Variants in BIVM observed in about 807,000 individuals in gnomAD.
BIVM encodes basic immunoglobulin-like variable motif-containing protein.
BIVM carries 31 observed loss-of-function variants against 61.4 expected under a neutral mutation model. The observed-to-expected ratio is 0.51, with a 90% CI of 0.38 to 0.68. The LOEUF is 0.68. BIVM is among the 30% of genes least tolerant of loss of function. BIVM has a pLI of 0.00. For synonymous variants in BIVM, 189 were observed against 210.7 expected, an observed-to-expected ratio of 0.90 and a Z score of 0.89; for missense variants, 526 against 596.0, an observed-to-expected ratio of 0.88 and a Z score of 1.22.
At chr13:102,808,733 A>G (rs989275968) in intron 3 of BIVM, among the ~76,000 whole-genome samples, 1 of 152,092 alleles carries the variant, frequency 6.6e-6, no homozygotes, top group African/African-American at 2.4e-5. Context: ...TTTCAGAGAG[A>G]TATTAAAATC....
intron 7 of BIVM, among the ~76,000 whole-genome samples, chr13:102,826,187 G>C (rs147744935): frequency 9.1e-4 from 138 of 152,200 alleles, no homozygotes; most frequent in African/African-American, 3.1e-3. Context: ...AAAGGAAAAT[G>C]TTTTCTCTTT....
chr13:102,827,060 G>C (rs1880721530), intron 7 of BIVM, among the ~76,000 whole-genome samples: 2 of 152,232 alleles, frequency 1.3e-5, no homozygotes, highest in East Asian at 3.9e-4. Context: ...AAAGATTTTT[G>C]ATCAACTGTC....
Position 102,838,632 on chromosome 13 carries a change from C to T in BIVM, c.1122-11C>T. 6.3e-7 allele frequency: 1 copy of T among 1,596,322 alleles called. No individual in the cohort carries two copies. The highest frequency in any genetic ancestry group is 8.5e-7 in the Non-Finnish European group (1 of 1,173,076). ...AGAAAATTGTGCTTTATCCTTTCTT[C>T]TTAACTATAGATGGGCAGATATTGT... On this transcript the variant is annotated splice_polypyrimidine_tract_variant and intron_variant, in intron 9 of 10. Transcript: ENST00000257336.
At position 102,807,748 on chromosome 13, in the gene BIVM, A is replaced by G. The variant is rs1006720248; in HGVS notation, c.478+3A>G. 1.9e-6 allele frequency: 3 copies of G among 1,603,108 alleles called. No individual in the cohort carries two copies. The highest frequency in any genetic ancestry group is 2.6e-6 in the Non-Finnish European group (3 of 1,174,710). On this transcript the variant is annotated splice_donor_region_variant and intron_variant, in intron 3 of 10. Coordinates refer to ENST00000257336, the MANE Select transcript of BIVM (RefSeq NM_017693.4). The surrounding 1 kb of genome is among the most constrained non-coding windows in gnomAD (Gnocchi z 4.0). Reference sequence around the variant, plus strand: ...CACAAATTCGAAACACAAATCAGGTAAGGAGGGAGCCATGAAGTTCATATG... The same window carrying G: ...CACAAATTCGAAACACAAATCAGGTGAGGAGGGAGCCATGAAGTTCATATG...
chr13:102,809,835 G>C (rs1293539123), intron 3 of BIVM, among the ~76,000 whole-genome samples: 2 of 148,438 alleles, frequency 1.3e-5, no homozygotes, highest in Non-Finnish European at 3.0e-5. Context: ...GCCCAGGCTG[G>C]AGTGCAGTGG....
At chr13:102,817,269 T>G (rs1010288232) in intron 4 of BIVM, among the ~76,000 whole-genome samples, 10 of 152,226 alleles carry the variant, frequency 6.6e-5, no homozygotes, top group African/African-American at 2.4e-4. Context: ...ATTTGTATTT[T>G]CCTTTTAGTT....
intron 3 of BIVM, among the ~76,000 whole-genome samples, chr13:102,808,585 C>G (rs376944987): frequency 1.3e-5 from 2 of 151,992 alleles, no homozygotes; most frequent in East Asian, 1.9e-4. Context: ...GGGGATTTTG[C>G]TTTTTTTGTC....
In BIVM at chr13:102,822,454, G is replaced by T. The variant is rs567304373; in HGVS notation, c.901+295G>T. ...GGGTCCGTGGTGTGTGTGTGTGTTT[G>T]TGTGTGTATGTATGTGCGTGTGTAC... On this transcript the variant is annotated intron_variant, in intron 7 of 10. Transcript: ENST00000257336. 3.5e-4 allele frequency among the ~76,000 whole-genome samples: 53 copies of T among 152,336 alleles called. No individual in the cohort carries two copies. In the South Asian group the frequency reaches 6.0e-3, roughly 17 times the overall value.
Position 102,807,894 on chromosome 13 carries a change from A to G in BIVM, c.478+149A>G. ...CTTGTCTGTCAATGTAGTTTTAGGA[A>G]AGTAACCTTGACGTAGGGCATGTAG... On this transcript the variant is annotated intron_variant, in intron 3 of 10. Transcript: ENST00000257336. The surrounding 1 kb of genome is among the most constrained non-coding windows in gnomAD (Gnocchi z 4.0). 1 of 952,870 alleles carries G rather than the reference A, an allele frequency of 1.0e-6. No homozygotes were observed. Among genetic ancestry groups the G allele is most frequent in the Non-Finnish European group, 1.5e-6 (1 of 664,116 alleles). The allele number at this position is 952,870 out of a possible 1,614,324, so 59.0% of individuals were successfully genotyped here.
At position 102,804,650 on chromosome 13, in the gene BIVM, G is replaced by A. The variant is rs538399447; in HGVS notation, c.-206-657G>A. 5.9e-5 allele frequency among the ~76,000 whole-genome samples: 9 copies of A among 151,480 alleles called. No homozygotes were observed. The South Asian group carries it at 1.9e-3, about 32-fold the overall frequency. ...AATTTTTAAATTTTCAGTCGAGATG[G>A]GGTTTCACCATATTGGCCAGGCTAG... On this transcript the variant is annotated intron_variant, in intron 1 of 10. Transcript: ENST00000257336.
intron 4 of BIVM, chr13:102,820,756 CTT>C (rs543911721): frequency 3.2e-4 from 101 of 320,058 alleles, no homozygotes; most frequent in African/African-American, 2.2e-3. Flanking sequence ...TTACACCAAA[CTT>C]TTAATAGGCG....
chr13:102,826,378 C>T (rs942331846), intron 7 of BIVM, among the ~76,000 whole-genome samples: 1 of 152,146 alleles, frequency 6.6e-6, no homozygotes, highest in Non-Finnish European at 1.5e-5. Context: ...TTCCTAAGGA[C>T]AGGAAATGAG....
intron 9 of BIVM, among the ~76,000 whole-genome samples, chr13:102,835,857 C>T (rs772315386): frequency 2.0e-5 from 3 of 152,170 alleles, no homozygotes; most frequent in Non-Finnish European, 2.9e-5. Flanking sequence ...CTTGACATTT[C>T]GTATAAATGG....
chr13:102,801,562 T>C (rs764700473), intron 1 of BIVM: 2 of 152,120 alleles, frequency 1.3e-5, no homozygotes, highest in Non-Finnish European at 2.9e-5. Context: ...TAGTAAATCT[T>C]AATATAGCAA....
At chr13:102,808,492 C>G (rs1879256383) in intron 3 of BIVM, among the ~76,000 whole-genome samples, 1 of 152,102 alleles carries the variant, frequency 6.6e-6, no homozygotes, top group Admixed American at 6.6e-5. Context: ...TTTTATAAAA[C>G]CTTAATGCTT....
At chr13:102,805,738 A>G (rs919058845) in intron 2 of BIVM, among the ~76,000 whole-genome samples, 1 of 152,208 alleles carries the variant, frequency 6.6e-6, no homozygotes, top group Admixed American at 6.5e-5. Flanking sequence ...GACATGTTAT[A>G]TAAATAGAAT....
At chr13:102,809,480 A>C in intron 3 of BIVM, among the ~76,000 whole-genome samples, 1 of 152,164 alleles carries the variant, frequency 6.6e-6, no homozygotes, top group Non-Finnish European at 1.5e-5. Context: ...AGTCATTGGG[A>C]GTATCTATAA....
intron 2 of BIVM, among the ~76,000 whole-genome samples, chr13:102,806,731 A>G (rs922501214): frequency 6.6e-6 from 1 of 151,960 alleles, no homozygotes; most frequent in Non-Finnish European, 1.5e-5. Flanking sequence ...ACCAAGATGG[A>G]GAAACCCCAT....
At chr13:102,825,192 G>A (rs1392145585) in intron 7 of BIVM, among the ~76,000 whole-genome samples, 5 of 152,166 alleles carry the variant, frequency 3.3e-5, no homozygotes, top group Admixed American at 6.5e-5. Context: ...TGATCCGCCC[G>A]CCTCGGCCTC....
Sources: gnomAD v4.1 joint callset for allele counts (sites outside exome capture counted in the v4.1 genomes callset) on GRCh38, gnomAD v4.1.1 for gene constraint, Gnocchi (gnomAD v3.1) non-coding constraint, MANE v1.5 for transcripts, NCBI Gene and HGNC (gene_info 2026-07-23, HGNC 2026-07-21) for gene names.